IMMP2L: variants seen among roughly 807,000 people sequenced by gnomAD.
IMMP2L encodes inner mitochondrial membrane peptidase subunit 2.
IMMP2L carries 18 observed loss-of-function variants against 19.3 expected under a neutral mutation model. The observed-to-expected ratio is 0.93, with a 90% CI of 0.64 to 1.38. IMMP2L has a LOEUF of 1.38. Among genes scored for constraint, IMMP2L ranks in the 40% most tolerant of loss-of-function variants. The pLI, the probability that IMMP2L is intolerant of heterozygous loss-of-function variation, is 0.00. For missense variants in IMMP2L, 233 were observed against 218.2 expected, an observed-to-expected ratio of 1.07 and a Z score of -0.43; for synonymous variants, 76 against 73.0, an observed-to-expected ratio of 1.04 and a Z score of -0.21.
intron 3 of IMMP2L, among the ~76,000 whole-genome samples, chr7:111,475,458 T>G (rs990161754): frequency 1.3e-5 from 2 of 152,084 alleles, no homozygotes; most frequent in Non-Finnish European, 2.9e-5. Context: ...CTACTGACCT[T>G]GGATCAAATA....
rs186686199 is a variant in IMMP2L at position 110,868,714 on chromosome 7, A to G, written c.408+17879T>C. ...AGAAGTCAGCCAGCAACTGTCTTTA[A>G]ATGAATAATTGCAATGGGAAGAATA... On this transcript the variant is annotated intron_variant, in intron 5 of 5. Coordinates refer to ENST00000405709, the MANE Select transcript of IMMP2L (RefSeq NM_032549.4). Among the ~76,000 whole-genome samples, 26 of 152,212 alleles carry G rather than the reference A, an allele frequency of 1.7e-4. 1 individual carries two copies. Among genetic ancestry groups the G allele is most frequent in the African/African-American group, 6.3e-4 (26 of 41,550 alleles).
intron 3 of IMMP2L, among the ~76,000 whole-genome samples, chr7:111,115,192 A>G (rs1031381878): frequency 2.6e-5 from 4 of 152,220 alleles, no homozygotes; most frequent in African/African-American, 9.6e-5. Context: ...ATTGGCTCTC[A>G]AACAATATTG....
chr7:111,218,468 T>TC (rs397687071), intron 3 of IMMP2L, among the ~76,000 whole-genome samples: 4 of 151,870 alleles, frequency 2.6e-5, no homozygotes, highest in African/African-American at 7.3e-5. Flanking sequence ...GTTTTTTTTT[T>TC]CCCATTACAA....
chr7:111,211,672 A>G (rs1406140432), intron 3 of IMMP2L, among the ~76,000 whole-genome samples: 3 of 152,196 alleles, frequency 2.0e-5, no homozygotes, highest in Admixed American at 1.3e-4. Context: ...ACAAGGCAGA[A>G]GACTGTGCAA....
intron 3 of IMMP2L, among the ~76,000 whole-genome samples, chr7:111,182,030 AGAAAT>A (rs1461549549): frequency 2.0e-5 from 3 of 152,100 alleles, no homozygotes; most frequent in African/African-American, 7.2e-5. Context: ...AAGCATAAAA[AGAAAT>A]AAAAAACATA....
intron 3 of IMMP2L, among the ~76,000 whole-genome samples, chr7:110,997,946 A>G (rs1823217209): frequency 6.6e-6 from 1 of 152,170 alleles, no homozygotes; most frequent in Non-Finnish European, 1.5e-5. Flanking sequence ...CTGAGATGCT[A>G]TAGAAATAGA....
chr7:111,204,601 A>C (rs1045774467), intron 3 of IMMP2L, among the ~76,000 whole-genome samples: 1 of 152,166 alleles, frequency 6.6e-6, no homozygotes, highest in African/African-American at 2.4e-5. Context: ...TTTTGAATAA[A>C]AATAAATTTT....
At chr7:111,556,619 T>C (rs368708253) in intron 1 of IMMP2L, among the ~76,000 whole-genome samples, 1 of 57,594 alleles carries the variant, frequency 1.7e-5, no homozygotes, top group African/African-American at 3.3e-5. Flanking sequence ...TCATTGATGA[T>C]TGTAACTTTA....
intron 3 of IMMP2L, among the ~76,000 whole-genome samples, chr7:111,415,276 C>A (rs1384323690): frequency 6.6e-6 from 1 of 151,608 alleles, no homozygotes; most frequent in African/African-American, 2.4e-5. Flanking sequence ...GTCACACAAT[C>A]CCCAAAAACT....
At chr7:111,344,887 T>C (rs1827379741) in intron 3 of IMMP2L, among the ~76,000 whole-genome samples, 2 of 151,934 alleles carry the variant, frequency 1.3e-5, no homozygotes, top group African/African-American at 2.4e-5. Flanking sequence ...GTCGACAAAG[T>C]TCTGAAAATG....
chr7:110,706,993 TTTTTTTTTTAA>T (rs1437706975), intron 5 of IMMP2L, among the ~76,000 whole-genome samples: 3 of 83,022 alleles, frequency 3.6e-5, no homozygotes, highest in East Asian at 3.0e-4. Flanking sequence ...ACACTTAAAT[TTTTTTTTTTAA>T]TTTTTTTTTT....
chr7:111,214,906 T>A (rs1017445504), intron 3 of IMMP2L, among the ~76,000 whole-genome samples: 1 of 152,142 alleles, frequency 6.6e-6, no homozygotes, highest in South Asian at 2.1e-4. Flanking sequence ...AATTGTTTTC[T>A]GATGAAATGC....
intron 3 of IMMP2L, among the ~76,000 whole-genome samples, chr7:111,349,384 G>A (rs1045392146): frequency 2.0e-5 from 3 of 151,982 alleles, no homozygotes; most frequent in African/African-American, 7.3e-5. Context: ...AGGCAAGTGG[G>A]ATGCAATATA....
intron 2 of IMMP2L, among the ~76,000 whole-genome samples, chr7:111,520,351 G>A (rs1332629211): frequency 6.6e-6 from 1 of 152,032 alleles, no homozygotes. Flanking sequence ...AGGCAGTCCT[G>A]TTTTAAAAAT....
At chr7:110,950,200 A>G (rs936923247) in intron 4 of IMMP2L, among the ~76,000 whole-genome samples, 4 of 152,078 alleles carry the variant, frequency 2.6e-5, no homozygotes, top group Non-Finnish European at 5.9e-5. Context: ...TTTTTTCAAC[A>G]TCATTTGTTA....
intron 3 of IMMP2L, among the ~76,000 whole-genome samples, chr7:111,160,137 C>T (rs1393152014): frequency 6.6e-6 from 1 of 151,936 alleles, no homozygotes; most frequent in Non-Finnish European, 1.5e-5. Flanking sequence ...TATGAGCAAA[C>T]ACAATAAATC....
intron 3 of IMMP2L, among the ~76,000 whole-genome samples, chr7:110,996,809 C>T (rs1823082339): frequency 6.6e-6 from 1 of 152,042 alleles, no homozygotes; most frequent in South Asian, 2.1e-4. Flanking sequence ...TGTAGTACAA[C>T]ATCACACCCA....
chr7:111,086,273 A>G (rs1329647578), intron 3 of IMMP2L, among the ~76,000 whole-genome samples: 2 of 151,568 alleles, frequency 1.3e-5, no homozygotes, highest in East Asian at 3.9e-4. Flanking sequence ...AAAGAAAAAA[A>G]AAAAAGAAAA....
chr7:111,453,962 A>T (rs1027218458), intron 3 of IMMP2L, among the ~76,000 whole-genome samples: 1 of 152,146 alleles, frequency 6.6e-6, no homozygotes, highest in Non-Finnish European at 1.5e-5. Flanking sequence ...GTTACGTCTC[A>T]AAAATATACC....
Sources: allele counts gnomAD v4.1 joint callset (sites outside exome capture counted in the v4.1 genomes callset), GRCh38; gene constraint gnomAD v4.1.1; transcripts MANE v1.5; gene names NCBI Gene and HGNC (gene_info 2026-07-23, HGNC 2026-07-21).